The following RC3H2 variants were observed in gnomAD, a reference collection of about 807,000 sequenced individuals.
RC3H2 encodes the protein ring finger and CCCH-type domains 2, also known as roquin-2.
In RC3H2, 31 loss-of-function variants were observed where a neutral mutation model predicts 133.3. The ratio of observed to expected loss-of-function variants is 0.23; its 90% CI spans 0.17 to 0.31. The LOEUF is 0.31. Ranked by LOEUF, RC3H2 falls within the 10% of genes least tolerant of loss-of-function variation. The pLI, the probability that RC3H2 is intolerant of heterozygous loss-of-function variation, is 1.00. For synonymous variants in RC3H2, 517 were observed against 502.2 expected (o/e 1.03, Z -0.40); for missense variants, 1,175 against 1,437.2 (o/e 0.82, Z 2.95).
At chr9:122,859,419 A>G (rs911536720) in intron 11 of RC3H2, among the ~76,000 whole-genome samples, 2 of 152,034 alleles carry the variant, frequency 1.3e-5, no homozygotes, top group Admixed American at 1.3e-4. Flanking sequence ...AGACACCACT[A>G]TATGAAAATC....
chr9:122,865,301 C>A, intron 10 of RC3H2, 48 bp downstream of exon 10: 3 of 1,498,426 alleles, frequency 2.0e-6, no homozygotes, highest in Non-Finnish European at 2.7e-6. Flanking sequence ...TCAGGCATTT[C>A]TAAAAAGGAA....
rs867772206 is a variant in RC3H2 at position 122,861,524 on chromosome 9, C to A, written c.1635-1393G>T. 7.1e-4 allele frequency among the ~76,000 whole-genome samples: 73 copies of A among 102,416 alleles called. 1 individual carries two copies. Among genetic ancestry groups the A allele is most frequent in the African/African-American group, 2.4e-3 (63 of 26,738 alleles). 67.2% of individuals were successfully genotyped at this position (102,416 alleles called of 152,430 possible). A position where few individuals can be genotyped will look rare whatever the true frequency, so the allele number is the denominator to read the frequency against. On this transcript the variant is annotated intron_variant, in intron 10 of 20. Transcript: ENST00000357244. Reference sequence around the variant, plus strand: ...AAAAAAAAAAAGAAAAGAAAAAAAACCATATATATATGGCCAAAGCTTAGT... The same window carrying A: ...AAAAAAAAAAAGAAAAGAAAAAAAAACATATATATATGGCCAAAGCTTAGT...
chr9:122,889,815 A>C (rs1488559121), intron 4 of RC3H2, among the ~76,000 whole-genome samples: 1 of 152,210 alleles, frequency 6.6e-6, no homozygotes, highest in Non-Finnish European at 1.5e-5. Flanking sequence ...ACACAAAAGC[A>C]CTGTCTATCA....
chr9:122,863,027 C>T (rs1219730691), intron 10 of RC3H2, among the ~76,000 whole-genome samples: 2 of 151,720 alleles, frequency 1.3e-5, no homozygotes, highest in South Asian at 2.1e-4. Flanking sequence ...ACCACTAATT[C>T]TGAAACATTT....
At chr9:122,855,541 G>C in intron 14 of RC3H2, 144 bp from the exon 15 acceptor site, 1 of 937,110 alleles carries the variant, frequency 1.1e-6, no homozygotes, top group African/African-American at 1.7e-5. Flanking sequence ...CAAACTACCA[G>C]TAAACCACCA....
At chr9:122,875,442 G>A (rs771010576) in intron 9 of RC3H2, 26 of 1,444,000 alleles carry the variant, frequency 1.8e-5, no homozygotes, top group East Asian at 1.3e-4. Context: ...TATAAATAAA[G>A]TTTACAGCCA....
chr9:122,850,434 C>G (rs200267058), intron 20 of RC3H2, among the ~76,000 whole-genome samples: 1 of 96,828 alleles, frequency 1.0e-5, no homozygotes, highest in African/African-American at 6.1e-5. Context: ...TGCTATCTAT[C>G]TATAGATAGA....
intron 1 of RC3H2, among the ~76,000 whole-genome samples, chr9:122,898,475 C>T (rs144924341): frequency 1.3e-5 from 2 of 152,186 alleles, no homozygotes; most frequent in African/African-American, 2.4e-5. Context: ...TCCTGCTGGG[C>T]GTGGTGGCTC....
At chr9:122,889,301 A>G (rs1182164390) in intron 4 of RC3H2, among the ~76,000 whole-genome samples, 3 of 152,148 alleles carry the variant, frequency 2.0e-5, no homozygotes, top group African/African-American at 7.2e-5. Context: ...CACAGGTTAT[A>G]AAGAAATATA....
intron 2 of RC3H2, among the ~76,000 whole-genome samples, chr9:122,895,053 C>CTT: frequency 6.6e-6 from 1 of 152,060 alleles, no homozygotes; most frequent in East Asian, 1.9e-4. Context: ...AGAATTCACA[C>CTT]TGTAAAGACC....
At chr9:122,854,706 T>C (rs1663769362) in intron 15 of RC3H2, 91 bp from the exon 16 acceptor site, 1 of 833,144 alleles carries the variant, frequency 1.2e-6, no homozygotes, top group Non-Finnish European at 2.1e-6. Context: ...ATCTGTATTT[T>C]ATCCCACTAG....
chr9:122,898,665 C>T (rs965230120), intron 1 of RC3H2, among the ~76,000 whole-genome samples: 13 of 150,220 alleles, frequency 8.7e-5, no homozygotes, highest in African/African-American at 3.2e-4. Context: ...AGGAGAATCA[C>T]TTGAATGTGG....
intron 9 of RC3H2, among the ~76,000 whole-genome samples, chr9:122,865,942 CAA>C (rs1830629432): frequency 2.0e-5 from 3 of 151,582 alleles, no homozygotes; most frequent in Non-Finnish European, 4.4e-5. Context: ...AGAATGTATT[CAA>C]AAAAACCTTT....
In RC3H2 at chr9:122,855,712, C is replaced by T; in HGVS notation, c.2601+20G>A. On this transcript the variant is annotated intron_variant, in intron 14 of 20. Coordinates refer to ENST00000357244, the MANE Select transcript of RC3H2 (RefSeq NM_001100588.3). ...CATCATCTCTCACCTCCAACCCCTG[C>T]AACCCCAGCAAAATCATACCATTAA... is the stretch of plus-strand genomic sequence containing the variant. 1 of 1,602,318 alleles carries T rather than the reference C, an allele frequency of 6.2e-7. No homozygotes were observed. The highest frequency in any genetic ancestry group is 8.5e-7 in the Non-Finnish European group (1 of 1,174,406).
chr9:122,899,885 T>C (rs1832590217), intron 1 of RC3H2, among the ~76,000 whole-genome samples: 1 of 152,234 alleles, frequency 6.6e-6, no homozygotes, highest in South Asian at 2.1e-4. Flanking sequence ...GGTTAGGGTA[T>C]CACAGGCCAC....
chr9:122,891,433 T>G (rs775792445), intron 3 of RC3H2, among the ~76,000 whole-genome samples: 1 of 152,232 alleles, frequency 6.6e-6, no homozygotes, highest in Non-Finnish European at 1.5e-5. Context: ...TCACTACAAT[T>G]GATCTGTTCA....
In RC3H2 at chr9:122,851,321, A is replaced by C; in HGVS notation, c.3231+2T>G. On this transcript the variant is annotated splice_donor_variant, in intron 19 of 20. Coordinates refer to ENST00000357244, the MANE Select transcript of RC3H2 (RefSeq NM_001100588.3). LOFTEE classifies it high-confidence loss of function. ...TCTCAATTATCTAATTGTGGCACTT[A>C]CTTCAATTGGTTCACTTTGTCCATC... 2 of 1,613,076 alleles carry C rather than the reference A, an allele frequency of 1.2e-6. No homozygotes were observed. The highest frequency in any genetic ancestry group is 1.7e-6 in the Non-Finnish European group (2 of 1,179,006).
In RC3H2 at chr9:122,845,067, T is replaced by C. The variant is rs1234810375; in HGVS notation, c.*4560A>G. The C allele has an allele frequency of 1.3e-5, 2 of 152,186 alleles. No homozygotes were observed. The highest frequency in any genetic ancestry group is 2.9e-5 in the Non-Finnish European group (2 of 68,046). The allele number at this position is 152,186 out of a possible 1,614,324, so 9.4% of individuals were successfully genotyped here. A position where few individuals can be genotyped will look rare whatever the true frequency, so the allele number is the denominator to read the frequency against. ...TTTCATTTACATTTCAATCGAACAA[T>C]AGATTTGCAAAGAAAATGTCTAATA... is the stretch of plus-strand genomic sequence containing the variant. On this transcript the variant is annotated 3_prime_UTR_variant, in exon 21 of 21. Coordinates refer to ENST00000357244, the MANE Select transcript of RC3H2 (RefSeq NM_001100588.3).
In RC3H2 at chr9:122,859,798, A is replaced by C. The variant is rs528342253; in HGVS notation, c.1849+119T>G. 4 of 852,188 alleles carry C rather than the reference A, an allele frequency of 4.7e-6. No individual in the cohort carries two copies. The East Asian group carries it at 9.7e-5, about 21-fold the overall frequency. The allele number at this position is 852,188 out of a possible 1,614,324, so 52.8% of individuals were successfully genotyped here. On this transcript the variant is annotated intron_variant, in intron 11 of 20. Coordinates refer to ENST00000357244, the MANE Select transcript of RC3H2 (RefSeq NM_001100588.3). Reference sequence around the variant, plus strand: ...GATCCTTGGGGAAGGAAAAAAACTTATGAGTCACATAGTCAAAAGGATTAA... The same window carrying C: ...GATCCTTGGGGAAGGAAAAAAACTTCTGAGTCACATAGTCAAAAGGATTAA...
Sources: allele counts gnomAD v4.1 joint callset (sites outside exome capture counted in the v4.1 genomes callset), GRCh38; gene constraint gnomAD v4.1.1; transcripts MANE v1.5; gene names NCBI Gene and HGNC (gene_info 2026-07-23, HGNC 2026-07-21).